The following GDA variants were observed in gnomAD, a reference collection of about 807,000 sequenced individuals.
The protein encoded by GDA is cytoplasmic PSD-95 interactor.
GDA carries 18 observed loss-of-function variants against 59.6 expected under a neutral mutation model. That is an observed-to-expected ratio of 0.30 (90% CI 0.21 to 0.45). The LOEUF is 0.45. Ranked by LOEUF, GDA falls within the 20% of genes least tolerant of loss-of-function variation. The pLI is 1.00. For missense variants in GDA, 427 were observed against 552.3 expected (o/e 0.77, Z 2.27); for synonymous variants, 201 against 201.1 (o/e 1.00, Z 0.00).
At chr9:72,178,988 T>A (rs1225502963) in intron 1 of GDA, among the ~76,000 whole-genome samples, 1 of 152,164 alleles carries the variant, frequency 6.6e-6, no homozygotes, top group Admixed American at 6.5e-5. Context: ...TCCAAATTGT[T>A]ATCCTTTTCA....
At chr9:72,245,964 T>C (rs996829507) in intron 12 of GDA, among the ~76,000 whole-genome samples, 5 of 152,190 alleles carry the variant, frequency 3.3e-5, no homozygotes, top group African/African-American at 1.2e-4. Flanking sequence ...GATCTACTTG[T>C]GAGAGTAATT....
At chr9:72,209,586 T>C (rs1360920434) in intron 3 of GDA, among the ~76,000 whole-genome samples, 2 of 152,140 alleles carry the variant, frequency 1.3e-5, no homozygotes, top group Non-Finnish European at 2.9e-5. Context: ...TCCTCTAAGA[T>C]TTTTTCCAGA....
chr9:72,191,473 C>CT (rs572715868), intron 1 of GDA, among the ~76,000 whole-genome samples: 1,941 of 138,022 alleles, frequency 0.014, 32 homozygotes, highest in African/African-American at 0.04. Flanking sequence ...AGGGAAGGCT[C>CT]TTTTTTTTTT....
intron 1 of GDA, among the ~76,000 whole-genome samples, chr9:72,142,326 T>G (rs570002124): frequency 1.3e-5 from 2 of 152,162 alleles, no homozygotes; most frequent in South Asian, 4.2e-4. Flanking sequence ...TAAAGAAGTA[T>G]GGAAACTGGC....
chr9:72,242,097 A>C (rs948002939), intron 11 of GDA, among the ~76,000 whole-genome samples: 3 of 152,194 alleles, frequency 2.0e-5, no homozygotes, highest in African/African-American at 7.2e-5. Flanking sequence ...ACAAACAAGA[A>C]GCCTGAGTGA....
chr9:72,244,956 G>T (rs74603840), intron 11 of GDA, among the ~76,000 whole-genome samples, 192 bp from the exon 12 acceptor site: 13,914 of 152,138 alleles, frequency 0.091, 676 homozygotes, highest in Middle Eastern at 0.12. Context: ...GCTTTCCTGT[G>T]CTTACTCCAC....
chr9:72,160,373 A>G (rs920967655), intron 1 of GDA, among the ~76,000 whole-genome samples: 4 of 152,224 alleles, frequency 2.6e-5, no homozygotes, highest in African/African-American at 4.8e-5. Context: ...CTCATTGCCC[A>G]TTAAGCAGTC....
chr9:72,249,269 A>T lies in GDA; in HGVS notation c.*927A>T. On this transcript the variant is annotated 3_prime_UTR_variant, in exon 14 of 14. Transcript: ENST00000358399. ...TCCAGGAGCCGCCAATACTAACAGG[A>T]CAGGTTCCATTGCCATGGCCTATTC... is the stretch of plus-strand genomic sequence containing the variant. 2 of 985,406 alleles carry T rather than the reference A, an allele frequency of 2.0e-6. No homozygotes were observed. The highest frequency in any genetic ancestry group is 2.4e-6 in the Non-Finnish European group (2 of 829,904). The allele number at this position is 985,406 out of a possible 1,614,324, so 61.0% of individuals were successfully genotyped here. A position where few individuals can be genotyped will look rare whatever the true frequency, so the allele number is the denominator to read the frequency against.
intron 7 of GDA, 35 bp from the exon 8 acceptor site, chr9:72,225,642 A>G (rs1286791857): frequency 1.0e-6 from 1 of 991,494 alleles, no homozygotes; most frequent in South Asian, 1.5e-5. Flanking sequence ...GGTATTTTAC[A>G]GAAGAAAAAT....
chr9:72,198,353 C>T lies in GDA; in HGVS notation c.212+2765C>T, dbSNP rs185640167. On this transcript the variant is annotated intron_variant, in intron 2 of 13. Coordinates refer to ENST00000358399, the MANE Select transcript of GDA (RefSeq NM_004293.5). The stretch of plus-strand genomic sequence containing the variant: ...AGGAGATCGAGACTGTCCTGGCTAA[C>T]ACGGTGAAACCCCATCTCTACTAAA... 2.8e-4 allele frequency among the ~76,000 whole-genome samples: 42 copies of T among 151,880 alleles called. No homozygotes were observed. The East Asian group carries it at 7.8e-3, about 28-fold the overall frequency.
chr9:72,114,822 G>C (rs1825378772), exon 1 of GDA: 1 of 152,280 alleles, frequency 6.6e-6, no homozygotes, highest in Non-Finnish European at 1.5e-5. Flanking sequence ...GAGGGTGGTG[G>C]TTCCACCAGA....
In GDA at chr9:72,228,273, T is replaced by G. The variant is rs1485275265; in HGVS notation, c.920+233T>G. The G allele has an allele frequency of 4.3e-5, 20 of 461,480 alleles. No individual in the cohort carries two copies. The East Asian group carries it at 7.9e-4, about 18-fold the overall frequency. 28.6% of individuals were successfully genotyped at this position (461,480 alleles called of 1,614,324 possible). A position where few individuals can be genotyped will look rare whatever the true frequency, so the allele number is the denominator to read the frequency against. ...ACAGCATCTTCTGAAATCTCTGAGTTTGTACAAAAAAAGGACAATAGGGAA... is the reference window on the plus strand; with the variant it reads ...ACAGCATCTTCTGAAATCTCTGAGTGTGTACAAAAAAAGGACAATAGGGAA... On this transcript the variant is annotated intron_variant, in intron 9 of 13. Transcript: ENST00000358399.
Position 72,230,352 on chromosome 9 carries a change from T to C in GDA, c.921-762T>C, listed in dbSNP as rs1838173937. Among the ~76,000 whole-genome samples the C allele has an allele frequency of 5.3e-5, 8 of 152,134 alleles. No homozygotes were observed. In the South Asian group the frequency reaches 1.7e-3, roughly 32 times the overall value. On this transcript the variant is annotated intron_variant, in intron 9 of 13. Coordinates refer to ENST00000358399, the MANE Select transcript of GDA (RefSeq NM_004293.5). Reference sequence around the variant, plus strand: ...TACTAAAAGTAGAGACTGGACATGCTGGCGGGCACCTGTAATCCCAGCTAC... The same window carrying C: ...TACTAAAAGTAGAGACTGGACATGCCGGCGGGCACCTGTAATCCCAGCTAC...
In GDA at chr9:72,149,690, G is replaced by A; in HGVS notation, c.123+8G>A. On this transcript the variant is annotated splice_region_variant and intron_variant, in intron 1 of 13. Coordinates refer to ENST00000358399, the MANE Select transcript of GDA (RefSeq NM_004293.5). Reference sequence around the variant, plus strand: ...GTGAGCGACAGCGGCAAAGTAAGCAGGCGCGGGGTCGAGCGCACTCCGACG... The same window carrying A: ...GTGAGCGACAGCGGCAAAGTAAGCAAGCGCGGGGTCGAGCGCACTCCGACG... 1 of 1,595,120 alleles carries A rather than the reference G, an allele frequency of 6.3e-7. No individual in the cohort carries two copies. The highest frequency in any genetic ancestry group is 8.5e-7 in the Non-Finnish European group (1 of 1,172,412).
chr9:72,180,381 C>A (rs1038011599), intron 1 of GDA, among the ~76,000 whole-genome samples: 1 of 151,822 alleles, frequency 6.6e-6, no homozygotes, highest in African/African-American at 2.4e-5. Flanking sequence ...TAACAAAGGC[C>A]CAAAGGAATA....
intron 1 of GDA, among the ~76,000 whole-genome samples, chr9:72,155,019 AG>A (rs1827727813): frequency 6.6e-6 from 1 of 152,232 alleles, no homozygotes; most frequent in African/African-American, 2.4e-5. Context: ...TGAACTAGTT[AG>A]GGGAAGGCTT....
intron 1 of GDA, among the ~76,000 whole-genome samples, chr9:72,151,602 G>T (rs546784238): frequency 3.1e-4 from 46 of 149,838 alleles, no homozygotes; most frequent in Middle Eastern, 6.9e-3. Flanking sequence ...TTTTTTTTTG[G>T]TTTTTTTTTG....
rs770844546 is a variant in GDA at position 72,225,699 on chromosome 9, A to T, written c.737A>T (p.Asp246Val). 2 of 1,516,602 alleles carry T rather than the reference A, an allele frequency of 1.3e-6. No individual in the cohort carries two copies. The highest frequency in any genetic ancestry group is 1.4e-5 in the African/African-American group (1 of 72,612). 93.9% of individuals were successfully genotyped at this position (1,516,602 alleles called of 1,614,324 possible). A position where few individuals can be genotyped will look rare whatever the true frequency, so the allele number is the denominator to read the frequency against. Reference protein sequence around the residue: ...HIQSHISENRDEVEAVKNLYP... With the variant: ...HIQSHISENRVEVEAVKNLYP... ...TAGAGCCATATAAGTGAAAATCGTG[A>T]TGAAGTTGAAGCTGTGAAAAACTTA... Residue 246 changes from aspartate (D) to valine (V), a missense_variant, in exon 8 of 14, where the codon GAT (aspartate) becomes GTT (valine). Physicochemically the swap from Asp to Val is radical, Grantham distance 152. Coordinates refer to ENST00000358399, the MANE Select transcript of GDA (RefSeq NM_004293.5).
At chr9:72,214,483 A>G (rs11143172) in intron 5 of GDA, among the ~76,000 whole-genome samples, 2,638 of 151,816 alleles carry the variant, frequency 0.017, 108 homozygotes, top group East Asian at 0.14. Flanking sequence ...TTTAGTAGAG[A>G]CGGGGTTTCA....
Sources: gnomAD v4.1 joint callset for allele counts (sites outside exome capture counted in the v4.1 genomes callset) on GRCh38, gnomAD v4.1.1 for gene constraint, MANE v1.5 for transcripts, NCBI Gene and HGNC (gene_info 2026-07-23, HGNC 2026-07-21) for gene names.